The following DNAH14 variants were observed in gnomAD, a reference collection of about 807,000 sequenced individuals.
The protein encoded by DNAH14 is axonemal beta dynein heavy chain 14.
Under a neutral mutation model 520.9 loss-of-function variants are expected in DNAH14, and 478 were observed. The ratio of observed to expected loss-of-function variants is 0.92; its 90% CI spans 0.85 to 0.99. The LOEUF (loss-of-function observed/expected upper bound fraction) is 0.99. DNAH14 is among the 50% of genes least tolerant of loss of function. The pLI, the probability that DNAH14 is intolerant of heterozygous loss-of-function variation, is 0.00. For missense variants in DNAH14, 4,831 were observed against 5,234.5 expected (o/e 0.92, Z 2.38); for synonymous variants, 1,581 against 1,757.2 (o/e 0.90, Z 2.51).
At chr1:225,052,593 A>G (rs975533113) in intron 17 of DNAH14, among the ~76,000 whole-genome samples, 1 of 152,222 alleles carries the variant, frequency 6.6e-6, no homozygotes, top group African/African-American at 2.4e-5. Context: ...TAGATTCAAT[A>G]GAGTCTAATC....
At chr1:225,305,735 G>A (rs1449278208) in intron 58 of DNAH14, among the ~76,000 whole-genome samples, 1 of 152,186 alleles carries the variant, frequency 6.6e-6, no homozygotes, top group Non-Finnish European at 1.5e-5. Flanking sequence ...ATGGAGACAT[G>A]AAGGGCTGCC....
chr1:224,930,041 G>A (rs1045599299), intron 1 of DNAH14, among the ~76,000 whole-genome samples: 3 of 151,654 alleles, frequency 2.0e-5, no homozygotes, highest in African/African-American at 7.3e-5. Flanking sequence ...CGCCGGCGCC[G>A]CCACGCCGGT....
chr1:225,157,482 A>T (rs1171913431), intron 34 of DNAH14, among the ~76,000 whole-genome samples: 2 of 152,182 alleles, frequency 1.3e-5, no homozygotes, highest in African/African-American at 4.8e-5. Context: ...CCCATTGGTA[A>T]TTTCGCATGC....
At chr1:225,250,927 C>A (rs549685825) in intron 43 of DNAH14, among the ~76,000 whole-genome samples, 1 of 152,224 alleles carries the variant, frequency 6.6e-6, no homozygotes, top group South Asian at 2.1e-4. Context: ...TTAATCCCAT[C>A]TGACTGGCAT....
chr1:225,197,162 T>G (rs2086251607), intron 38 of DNAH14, among the ~76,000 whole-genome samples: 2 of 152,180 alleles, frequency 1.3e-5, no homozygotes, highest in African/African-American at 4.8e-5. Context: ...TGTAGAATTT[T>G]TATGGTTTCA....
chr1:225,046,977 C>T (rs1213329975), intron 15 of DNAH14, among the ~76,000 whole-genome samples: 2 of 152,050 alleles, frequency 1.3e-5, no homozygotes, highest in Non-Finnish European at 2.9e-5. Flanking sequence ...ATTTTCTCTG[C>T]CCCAGCCCTG....
intron 7 of DNAH14, 119 bp from the exon 8 acceptor site, chr1:224,973,970 ACT>A (rs369961879): frequency 6.2e-5 from 31 of 499,598 alleles, no homozygotes; most frequent in African/African-American, 4.4e-4. Flanking sequence ...CCTTTAGGTA[ACT>A]CAGGATGAAT....
intron 8 of DNAH14, among the ~76,000 whole-genome samples, chr1:224,978,406 T>A (rs186615205): frequency 3.5e-4 from 53 of 152,306 alleles, no homozygotes; most frequent in African/African-American, 1.3e-3. Flanking sequence ...AAGTCAGGCA[T>A]GGAAAGATAA....
At chr1:225,311,210 T>C (rs933851485) in intron 60 of DNAH14, among the ~76,000 whole-genome samples, 3 of 152,002 alleles carry the variant, frequency 2.0e-5, no homozygotes, top group Non-Finnish European at 2.9e-5. Context: ...AATGATAAGC[T>C]TTTTTTTCAT....
chr1:225,344,145 GA>G (rs1484703981), intron 69 of DNAH14, among the ~76,000 whole-genome samples: 1 of 151,162 alleles, frequency 6.6e-6, no homozygotes, highest in Non-Finnish European at 1.5e-5. Flanking sequence ...AATTGTTCTT[GA>G]AAAAAACTAA....
chr1:225,113,670 C>A (rs1339468730), intron 23 of DNAH14, among the ~76,000 whole-genome samples: 1 of 152,176 alleles, frequency 6.6e-6, no homozygotes, highest in East Asian at 1.9e-4. Flanking sequence ...TTCTACTACA[C>A]CTGAGCTGGC....
intron 41 of DNAH14, among the ~76,000 whole-genome samples, chr1:225,229,770 G>T (rs932886601): frequency 6.6e-6 from 1 of 151,858 alleles, no homozygotes; most frequent in Admixed American, 6.6e-5. Flanking sequence ...CCTGTCAGGG[G>T]TGGGGGTCAA....
Position 225,322,783 on chromosome 1 carries a change from A to G in DNAH14, c.9455A>G (p.Lys3152Arg), listed in dbSNP as rs749982830. ...CTTCTTTCAGAAACTGGTTTCCTGA[A>G]AAAATTGATTAACCTTGACAAGGAC... ...KLLLSETGFL[K>R]KLINLDKDSI... Residue 3152 changes from lysine (K) to arginine (R), a missense_variant, in exon 62 of 86, where the codon AAA becomes AGA. Coordinates refer to ENST00000682510, the MANE Select transcript of DNAH14 (RefSeq NM_001367479.1). 7 of 1,551,790 alleles carry G rather than the reference A, an allele frequency of 4.5e-6. No individual in the cohort carries two copies. The African/African-American group carries it at 8.2e-5, about 18-fold the overall frequency.
chr1:225,201,622 A>T (rs2086833180), intron 38 of DNAH14, among the ~76,000 whole-genome samples: 1 of 151,812 alleles, frequency 6.6e-6, no homozygotes, highest in South Asian at 2.1e-4. Context: ...AGCTGTAGAG[A>T]TTGTTATCTC....
intron 46 of DNAH14, among the ~76,000 whole-genome samples, chr1:225,260,931 T>C (rs571704663): frequency 6.6e-6 from 1 of 152,342 alleles, no homozygotes; most frequent in African/African-American, 2.4e-5. Flanking sequence ...TTGTTTTCTT[T>C]CTTTTTCAGG....
At chr1:224,976,656 C>A (rs1298826148) in intron 8 of DNAH14, among the ~76,000 whole-genome samples, 1 of 150,614 alleles carries the variant, frequency 6.6e-6, no homozygotes, top group African/African-American at 2.5e-5. Flanking sequence ...AAACAAACAA[C>A]CCCATCAAAA....
intron 46 of DNAH14, among the ~76,000 whole-genome samples, chr1:225,262,856 A>AT (rs546579158): frequency 3.3e-5 from 5 of 151,870 alleles, no homozygotes; most frequent in Admixed American, 6.6e-5. Context: ...AAATTTTAGT[A>AT]TTTTTTTAAC....
chr1:225,244,013 G>A (rs913523739), intron 43 of DNAH14, among the ~76,000 whole-genome samples: 1 of 152,050 alleles, frequency 6.6e-6, no homozygotes, highest in Non-Finnish European at 1.5e-5. Context: ...ATTTTGAGAT[G>A]TGTTCAATCA....
In DNAH14 at chr1:225,374,677, G is replaced by A. The variant is rs923025600; in HGVS notation, c.12319-11G>A. ...ATACTGAAATAATAAAGACTCATGG[G>A]TTTTCCAAAGGTTGCCATTAAGGTG... On this transcript the variant is annotated splice_polypyrimidine_tract_variant and intron_variant, in intron 77 of 85. Coordinates refer to ENST00000682510, the MANE Select transcript of DNAH14 (RefSeq NM_001367479.1). The A allele has an allele frequency of 1.3e-6, 2 of 1,539,550 alleles. No homozygotes were observed. Among genetic ancestry groups the A allele is most frequent in the Non-Finnish European group, 1.8e-6 (2 of 1,139,242 alleles).
Sources: allele counts gnomAD v4.1 joint callset (sites outside exome capture counted in the v4.1 genomes callset), GRCh38; gene constraint gnomAD v4.1.1; transcripts MANE v1.5; gene names NCBI Gene and HGNC (gene_info 2026-07-23, HGNC 2026-07-21).